PYROXD2: variants seen among roughly 807,000 people sequenced by gnomAD.
PYROXD2 encodes the protein pyridine nucleotide-disulfide oxidoreductase domain-containing protein 2.
In PYROXD2, 69 loss-of-function variants were observed where a neutral mutation model predicts 71.1. The observed-to-expected ratio is 0.97, with a 90% CI of 0.80 to 1.19. PYROXD2 has a LOEUF of 1.19. PYROXD2 is among the 50% of genes most tolerant of loss of function. PYROXD2 has a pLI of 0.00. For synonymous variants in PYROXD2, 287 were observed against 302.7 expected (o/e 0.95, Z 0.54); for missense variants, 745 against 748.9 (o/e 0.99, Z 0.06).
intron 8 of PYROXD2, among the ~76,000 whole-genome samples, chr10:98,394,279 G>A (rs951897665): frequency 6.6e-6 from 1 of 152,212 alleles, no homozygotes; most frequent in African/African-American, 2.4e-5. Flanking sequence ...GATCCGAAGA[G>A]AAAAGGGCAG....
chr10:98,392,564 T>G lies in PYROXD2; in HGVS notation c.930A>C (p.Thr310=), dbSNP rs1489722553. The change falls in exon 10 of 16, where the codon ACA becomes ACC. Residue 310 remains threonine (T), a splice_region_variant and synonymous_variant. Transcript: ENST00000370575. The part of the protein sequence containing the change: ...THGASIFTEK[T]VAKVQVNSEG... ...CACTGTTCACCTGCACCTTCGCCACTGTCTAGAGCCCACCAGAACAAGGCC... is the reference window on the plus strand; with the variant it reads ...CACTGTTCACCTGCACCTTCGCCACGGTCTAGAGCCCACCAGAACAAGGCC... 1 of 1,610,690 alleles carries G rather than the reference T, an allele frequency of 6.2e-7. No homozygotes were observed. Among genetic ancestry groups the G allele is most frequent in the Non-Finnish European group, 8.5e-7 (1 of 1,179,940 alleles).
intron 2 of PYROXD2, chr10:98,410,609 C>T: frequency 2.8e-6 from 1 of 360,400 alleles, no homozygotes; most frequent in East Asian, 4.9e-5. Flanking sequence ...CCCCTGGTTC[C>T]CACCTGCTCT....
intron 14 of PYROXD2, among the ~76,000 whole-genome samples, chr10:98,386,416 A>G (rs1323454124): frequency 1.3e-5 from 2 of 152,148 alleles, no homozygotes; most frequent in Non-Finnish European, 2.9e-5. Context: ...AGCCCAATAT[A>G]TCCAAAATAT....
chr10:98,411,693 G>C (rs1182368611), intron 1 of PYROXD2: 1 of 152,118 alleles, frequency 6.6e-6, no homozygotes, highest in East Asian at 1.9e-4. Flanking sequence ...CTCCAGCTCT[G>C]ATAAGCTCAG....
At chr10:98,410,222 CCA>C (rs1203179831) in intron 2 of PYROXD2, among the ~76,000 whole-genome samples, 2 of 152,250 alleles carry the variant, frequency 1.3e-5, no homozygotes, top group Non-Finnish European at 2.9e-5. Flanking sequence ...GTTAGCACAG[CCA>C]CAGTTTCCCC....
chr10:98,386,048 G>A (rs1197282189), intron 14 of PYROXD2, among the ~76,000 whole-genome samples: 1 of 152,048 alleles, frequency 6.6e-6, no homozygotes, highest in Non-Finnish European at 1.5e-5. Flanking sequence ...AGGCCAAGGT[G>A]GGAGGATCAC....
Position 98,384,957 on chromosome 10 carries a change from C to T in PYROXD2, c.1665G>A (p.Gly555=), listed in dbSNP as rs765931198. 1 of 1,612,312 alleles carries T rather than the reference C, an allele frequency of 6.2e-7. No individual in the cohort carries two copies. The highest frequency in any genetic ancestry group is 8.5e-7 in the Non-Finnish European group (1 of 1,179,534). ...CTCCAGGTCACTCACCAGGATGAGC[C>T]CCACTTCCACAGAGATACAGGCCCT... ...PLQGLYLCGS[G]AHPGGGVMGA... Residue 555 remains glycine, a synonymous_variant, in exon 15 of 16, where the codon GGG becomes GGA. Transcript: ENST00000370575.
At chr10:98,401,273 A>AAAAAAAAAAAAACAAAC (rs149519972) in intron 4 of PYROXD2, among the ~76,000 whole-genome samples, 1 of 121,688 alleles carries the variant, frequency 8.2e-6, no homozygotes, top group African/African-American at 3.6e-5. Context: ...AAAACAAAAA[A>AAAAAAAAAAAAACAAAC]AAACAAACAT....
chr10:98,386,998 T>C (rs1039679686), intron 14 of PYROXD2, among the ~76,000 whole-genome samples: 12 of 152,182 alleles, frequency 7.9e-5, no homozygotes, highest in African/African-American at 2.4e-4. Flanking sequence ...GTCCTGCCTG[T>C]GTTTCTGAGC....
intron 15 of PYROXD2, among the ~76,000 whole-genome samples, 185 bp from the exon 16 acceptor site, chr10:98,384,053 G>C (rs1389637744): frequency 6.6e-6 from 1 of 152,064 alleles, no homozygotes; most frequent in East Asian, 1.9e-4. Context: ...CAGGCTTCCT[G>C]CACCAAAGGT....
chr10:98,389,880 CAGAAT>C (rs1316376557), intron 12 of PYROXD2, among the ~76,000 whole-genome samples: 1 of 152,226 alleles, frequency 6.6e-6, no homozygotes, highest in Non-Finnish European at 1.5e-5. Flanking sequence ...AAGCCTGGCA[CAGAAT>C]AGAGACCCCA....
At chr10:98,387,416 G>C in intron 13 of PYROXD2, 109 bp from the exon 14 acceptor site, 2 of 712,916 alleles carry the variant, frequency 2.8e-6, no homozygotes, top group South Asian at 3.7e-5. Flanking sequence ...ACACAGAAAT[G>C]GGCTTATTTT....
intron 5 of PYROXD2, among the ~76,000 whole-genome samples, chr10:98,398,636 C>T (rs184452823): frequency 9.9e-5 from 15 of 152,282 alleles, no homozygotes; most frequent in African/African-American, 3.6e-4. Context: ...CCTCACTTTC[C>T]ACGATGGGAA....
chr10:98,389,112 C>T (rs1009242750), intron 12 of PYROXD2, among the ~76,000 whole-genome samples: 13 of 152,162 alleles, frequency 8.5e-5, no homozygotes, highest in African/African-American at 3.1e-4. Flanking sequence ...TCGCTGAACT[C>T]GGATGTCCAC....
chr10:98,408,883 A>G (rs189737387), intron 2 of PYROXD2, among the ~76,000 whole-genome samples: 66 of 152,328 alleles, frequency 4.3e-4, no homozygotes, highest in African/African-American at 1.5e-3. Context: ...AGAGGTAGGT[A>G]CTATGATTCT....
intron 13 of PYROXD2, 70 bp downstream of exon 13, chr10:98,388,281 TGAG>T: frequency 6.8e-7 from 1 of 1,470,256 alleles, no homozygotes. Context: ...AATGGGGCAG[TGAG>T]GAGGAGCAGG....
intron 5 of PYROXD2, 82 bp from the exon 6 acceptor site, chr10:98,397,580 A>C: frequency 6.9e-7 from 1 of 1,441,376 alleles, no homozygotes; most frequent in Admixed American, 2.4e-5. Context: ...TCACCCCCCC[A>C]CAGCTTGACG....
intron 9 of PYROXD2, 112 bp downstream of exon 9, chr10:98,392,829 TC>T: frequency 1.6e-6 from 2 of 1,278,606 alleles, no homozygotes; most frequent in East Asian, 2.3e-5. Context: ...CTGCAACCCA[TC>T]CCCTCATGGC....
chr10:98,414,987 C>T (rs1233107833), intron 1 of PYROXD2, 22 bp downstream of exon 1: 1 of 1,610,938 alleles, frequency 6.2e-7, no homozygotes, highest in Non-Finnish European at 8.5e-7. Context: ...CAGCTCTGGC[C>T]CGGCCTGCTT....
Sources: gnomAD v4.1 joint callset for allele counts (sites outside exome capture counted in the v4.1 genomes callset) on GRCh38, gnomAD v4.1.1 for gene constraint, MANE v1.5 for transcripts, NCBI Gene and HGNC (gene_info 2026-07-23, HGNC 2026-07-21) for gene names.